TNNI3K: variants seen among roughly 807,000 people sequenced by gnomAD.
The protein encoded by TNNI3K is serine/threonine-protein kinase TNNI3K.
In TNNI3K, 140 loss-of-function variants were observed where a neutral mutation model predicts 114.5. The ratio of observed to expected loss-of-function variants is 1.22; its 90% confidence interval spans 1.07 to 1.41. The LOEUF (loss-of-function observed/expected upper bound fraction) is 1.41. Ranked by LOEUF, TNNI3K falls within the 40% of genes most tolerant of loss-of-function variation. The probability of loss-of-function intolerance (pLI) is 0.00; values close to 1 mark genes in which losing one functional copy is unlikely to be tolerated. For synonymous variants in TNNI3K, 347 were observed against 347.5 expected, an observed-to-expected ratio of 1.00 and a Z score of 0.02; for missense variants, 1,125 against 1,007.6, an observed-to-expected ratio of 1.12 and a Z score of -1.58.
chr1:74,340,266 C>G (rs952022443), intron 7 of TNNI3K, among the ~76,000 whole-genome samples: 1 of 152,034 alleles, frequency 6.6e-6, no homozygotes, highest in African/African-American at 2.4e-5. Flanking sequence ...AACAGAGCAC[C>G]AGGAACTAGA....
rs1663457729 is a variant in TNNI3K at position 74,385,993 on chromosome 1, A to G, written c.1772+15601A>G. ...GGAGGGACCCAGTGGGAGGTAATTG[A>G]ATGATGGGGATTAGTCTTTCCCATG... is the stretch of plus-strand genomic sequence containing the variant. On this transcript the variant is annotated intron_variant, in intron 17 of 24. Coordinates refer to ENST00000326637, the MANE Select transcript of TNNI3K (RefSeq NM_015978.3). 1.3e-5 allele frequency among the ~76,000 whole-genome samples: 2 copies of G among 152,200 alleles called. 1 individual carries two copies. The highest frequency in any genetic ancestry group is 4.1e-4 in the South Asian group (2 of 4,832).
chr1:74,449,847 G>C (rs909307549), intron 20 of TNNI3K, among the ~76,000 whole-genome samples: 1 of 148,364 alleles, frequency 6.7e-6, no homozygotes, highest in African/African-American at 2.5e-5. Flanking sequence ...ATAGATCAAC[G>C]AGACAGAAAG....
At chr1:74,426,622 C>T (rs1665652894) in intron 17 of TNNI3K, among the ~76,000 whole-genome samples, 1 of 151,932 alleles carries the variant, frequency 6.6e-6, no homozygotes, top group Non-Finnish European at 1.5e-5. Context: ...CTCTCCTCTC[C>T]CTGGCCTTGT....
At chr1:74,498,223 G>C (rs1281695798) in intron 23 of TNNI3K, among the ~76,000 whole-genome samples, 2 of 152,118 alleles carry the variant, frequency 1.3e-5, no homozygotes, top group African/African-American at 4.8e-5. Flanking sequence ...ACCTATCACT[G>C]TATCTTAACA....
At chr1:74,346,177 A>G (rs900936818) in intron 9 of TNNI3K, 2 of 152,170 alleles carry the variant, frequency 1.3e-5, no homozygotes, top group Non-Finnish European at 2.9e-5. Context: ...GAACTTGTCC[A>G]AGATCCTCTG....
intron 21 of TNNI3K, among the ~76,000 whole-genome samples, chr1:74,483,670 A>C (rs528442223): frequency 5.9e-5 from 9 of 152,350 alleles, no homozygotes; most frequent in African/African-American, 1.7e-4. Context: ...TGCTTTCACC[A>C]AACATTATCT....
At chr1:74,394,999 G>A (rs1489480428) in intron 17 of TNNI3K, among the ~76,000 whole-genome samples, 10 of 150,784 alleles carry the variant, frequency 6.6e-5, no homozygotes, top group Admixed American at 3.3e-4. Flanking sequence ...AGCCGAGATC[G>A]CGCCACTGCA....
chr1:74,520,876 AT>A (rs1337703420), intron 23 of TNNI3K, among the ~76,000 whole-genome samples: 1 of 152,076 alleles, frequency 6.6e-6, no homozygotes, highest in African/African-American at 2.4e-5. Flanking sequence ...GAGCTGGCTC[AT>A]CTTGGGGAGG....
At chr1:74,526,581 C>T (rs1032703475) in intron 23 of TNNI3K, among the ~76,000 whole-genome samples, 2 of 152,082 alleles carry the variant, frequency 1.3e-5, no homozygotes, top group African/African-American at 2.4e-5. Flanking sequence ...ATGAAGGTGA[C>T]GTGAGAATGC....
intron 5 of TNNI3K, among the ~76,000 whole-genome samples, chr1:74,277,099 G>A (rs143056627): frequency 3.6e-4 from 55 of 152,176 alleles, no homozygotes; most frequent in African/African-American, 1.1e-3. Flanking sequence ...TGAGTCATAC[G>A]CTTTCCCAGG....
chr1:74,336,450 C>A (rs1243087499), intron 7 of TNNI3K, among the ~76,000 whole-genome samples: 2 of 151,894 alleles, frequency 1.3e-5, no homozygotes, highest in Non-Finnish European at 1.5e-5. Context: ...GCTGCACCCA[C>A]TAACTCGTCA....
chr1:74,412,831 G>A (rs1297634622), intron 17 of TNNI3K, among the ~76,000 whole-genome samples: 2 of 151,962 alleles, frequency 1.3e-5, no homozygotes, highest in Admixed American at 1.3e-4. Context: ...CCAGGCTGGC[G>A]TCGAACTCCT....
intron 22 of TNNI3K, among the ~76,000 whole-genome samples, chr1:74,491,021 C>G (rs1669043957): frequency 6.6e-6 from 1 of 152,096 alleles, no homozygotes; most frequent in Non-Finnish European, 1.5e-5. Flanking sequence ...TATGATTAGT[C>G]TTGTTCTGAA....
intron 23 of TNNI3K, among the ~76,000 whole-genome samples, chr1:74,497,243 C>T (rs1251152814): frequency 2.0e-5 from 3 of 152,062 alleles, no homozygotes; most frequent in Non-Finnish European, 4.4e-5. Context: ...GCAAGGGGAC[C>T]GTGTCCATTT....
intron 4 of TNNI3K, among the ~76,000 whole-genome samples, chr1:74,257,521 G>A (rs961812911): frequency 5.3e-5 from 8 of 151,838 alleles, no homozygotes; most frequent in Admixed American, 3.9e-4. Context: ...AAAGAATGTT[G>A]AGTTTTTTTT....
intron 21 of TNNI3K, chr1:74,483,226 C>A (rs573469795): frequency 2.8e-6 from 2 of 715,308 alleles, no homozygotes; most frequent in South Asian, 3.0e-5. Flanking sequence ...TCCAGGTACA[C>A]TGAGCACTGC....
intron 21 of TNNI3K, among the ~76,000 whole-genome samples, chr1:74,482,246 C>A (rs148184713): frequency 6.6e-6 from 1 of 152,230 alleles, no homozygotes; most frequent in East Asian, 1.9e-4. Context: ...GACAGAAACC[C>A]CACTCACAAT....
chr1:74,369,616 G>C, intron 16 of TNNI3K, 31 bp downstream of exon 16: 1 of 1,542,792 alleles, frequency 6.5e-7, no homozygotes, highest in Non-Finnish European at 8.7e-7. Context: ...TTTATCCTTG[G>C]ACATTCCGTA....
intron 23 of TNNI3K, among the ~76,000 whole-genome samples, chr1:74,494,562 C>T (rs954019142): frequency 6.6e-6 from 1 of 152,102 alleles, no homozygotes; most frequent in Admixed American, 6.5e-5. Context: ...ATCTTCTGTT[C>T]TTATTCTCTA....
Sources: allele counts gnomAD v4.1 joint callset (sites outside exome capture counted in the v4.1 genomes callset), GRCh38; gene constraint gnomAD v4.1.1; transcripts MANE v1.5; gene names NCBI Gene and HGNC (gene_info 2026-07-23, HGNC 2026-07-21).